Variants in DOK7 observed in about 807,000 individuals in gnomAD.
DOK7 encodes the protein docking protein 7, also known as protein Dok-7.
Under a neutral mutation model 30.7 loss-of-function variants are expected in DOK7, and 32 were observed. That is an observed-to-expected ratio of 1.04 (90% CI 0.79 to 1.40). DOK7 has a LOEUF of 1.40. Ranked by LOEUF, DOK7 falls within the 40% of genes most tolerant of loss-of-function variation. The pLI is 0.00. For missense variants in DOK7, 1,007 were observed against 699.2 expected (o/e 1.44, Z -4.97); for synonymous variants, 447 against 324.1 (o/e 1.38, Z -4.07).
At chr4:3,489,910 ATTCC>A in intron 6 of DOK7, 114 bp downstream of exon 6, 2 of 1,446,658 alleles carry the variant, frequency 1.4e-6, no homozygotes, top group African/African-American at 1.4e-5. Flanking sequence ...TCATTCATTC[ATTCC>A]TTCTGTCTCC....
Position 3,485,594 on chromosome 4 carries a change from C to G in DOK7, c.588C>G (p.Phe196Leu), listed in dbSNP as rs149940009. 8 of 1,607,830 alleles carry G rather than the reference C, an allele frequency of 5.0e-6. No homozygotes were observed. Among genetic ancestry groups the G allele is most frequent in the Non-Finnish European group, 6.8e-6 (8 of 1,176,940 alleles). The change falls in exon 5 of 7, where the codon TTC becomes TTG. Residue 196 changes from phenylalanine (F) to leucine (L), a missense_variant. Transcript: ENST00000340083. ...SAEGEQISFL[F>L]DCIVRGISPT... ...AGGGGGAGCAGATCAGCTTCCTGTT[C>G]GACTGCATCGTCCGAGGCATCTCCC...
At chr4:3,494,500 G>C, downstream of DOK7, 26 of 985,526 alleles carry the variant, frequency 2.6e-5, no homozygotes, top group Non-Finnish European at 3.0e-5. Flanking sequence ...GTCCTAGTCC[G>C]TTGCCCAGCC....
chr4:3,464,504 G>C (rs1010497475), intron 2 of DOK7, among the ~76,000 whole-genome samples: 4 of 152,208 alleles, frequency 2.6e-5, no homozygotes, highest in African/African-American at 9.6e-5. Context: ...AGCCTGGGAG[G>C]GCGTCTTTGT....
At chr4:3,495,151 C>A (rs1204357017), downstream of DOK7, among the ~76,000 whole-genome samples, 1 of 152,228 alleles carries the variant, frequency 6.6e-6, no homozygotes, top group African/African-American at 2.4e-5. Flanking sequence ...GGATGACAGA[C>A]CCCGCCTCAC....
intron 6 of DOK7, among the ~76,000 whole-genome samples, chr4:3,499,564 G>T (rs1560241500): frequency 6.6e-6 from 1 of 152,174 alleles, no homozygotes; most frequent in Non-Finnish European, 1.5e-5. Flanking sequence ...GGCCTGTGGG[G>T]TCCCCTCCTA....
At chr4:3,499,699 G>A (rs1217414994) in intron 6 of DOK7, among the ~76,000 whole-genome samples, 1 of 152,114 alleles carries the variant, frequency 6.6e-6, no homozygotes, top group African/African-American at 2.4e-5. Flanking sequence ...GGGCACCTGG[G>A]TGTCCTGGAG....
intron 2 of DOK7, among the ~76,000 whole-genome samples, chr4:3,466,948 C>G (rs559967913): frequency 2.0e-5 from 3 of 152,180 alleles, no homozygotes; most frequent in African/African-American, 7.2e-5. Context: ...ATCTTGGTCT[C>G]GTGTGTCCTG....
intron 4 of DOK7, among the ~76,000 whole-genome samples, chr4:3,482,954 C>G (rs375752441): frequency 2.0e-5 from 3 of 152,106 alleles, no homozygotes; most frequent in African/African-American, 7.2e-5. Flanking sequence ...CACAGAGGGG[C>G]TGTCGGGGTC....
chr4:3,490,262 ATTCC>A (rs1728182161), intron 6 of DOK7, among the ~76,000 whole-genome samples: 3 of 89,964 alleles, frequency 3.3e-5, no homozygotes, highest in African/African-American at 8.5e-5. Context: ...CTGCTCATTC[ATTCC>A]TTCCTTCCCC....
chr4:3,484,879 AG>A, intron 4 of DOK7: 1 of 985,414 alleles, frequency 1.0e-6, no homozygotes, highest in Non-Finnish European at 1.2e-6. Flanking sequence ...ATCTGAATGC[AG>A]CCCTCCCAAC....
In DOK7 at chr4:3,494,246, C is replaced by T; in HGVS notation, c.*745C>T. 1 of 985,556 alleles carries T rather than the reference C, an allele frequency of 1.0e-6. No individual in the cohort carries two copies. Among genetic ancestry groups the T allele is most frequent in the African/African-American group, 1.7e-5 (1 of 57,388 alleles). The allele number at this position is 985,556 out of a possible 1,614,324, so 61.1% of individuals were successfully genotyped here. A position where few individuals can be genotyped will look rare whatever the true frequency, so the allele number is the denominator to read the frequency against. On this transcript the variant is annotated 3_prime_UTR_variant, in exon 7 of 7. Coordinates refer to ENST00000340083, the MANE Select transcript of DOK7 (RefSeq NM_173660.5). The stretch of plus-strand genomic sequence containing the variant: ...TCCTGTCTGAACCTCCTCGCAGGGC[C>T]AAAGGCTGGCTTGGCCTGTGTTTCC...
intron 4 of DOK7, among the ~76,000 whole-genome samples, chr4:3,478,552 C>A (rs1409584539): frequency 0.17 from 15,514 of 92,852 alleles, 985 homozygotes; most frequent in East Asian, 0.24. Flanking sequence ...ACAGAACCCA[C>A]AAACCTGCAG....
downstream of DOK7, chr4:3,496,843 A>G: frequency 6.5e-7 from 1 of 1,534,652 alleles, no homozygotes. Context: ...CAGCCCCAGG[A>G]CCTGCGACAG....
chr4:3,494,114 C>A lies in DOK7; in HGVS notation c.*613C>A. On this transcript the variant is annotated 3_prime_UTR_variant, in exon 7 of 7. Coordinates refer to ENST00000340083, the MANE Select transcript of DOK7 (RefSeq NM_173660.5). Reference sequence around the variant, plus strand: ...GGCCCCACTGTTCCCCAGTGAAGCCCTTGTGGGAAGGTTCCGGGAGCAGGT... The same window carrying A: ...GGCCCCACTGTTCCCCAGTGAAGCCATTGTGGGAAGGTTCCGGGAGCAGGT... The A allele has an allele frequency of 1.0e-6, 1 of 985,866 alleles. No homozygotes were observed. Among genetic ancestry groups the A allele is most frequent in the Non-Finnish European group, 1.2e-6 (1 of 830,262 alleles). 61.1% of individuals were successfully genotyped at this position (985,866 alleles called of 1,614,324 possible).
intron 2 of DOK7, among the ~76,000 whole-genome samples, chr4:3,468,611 TGC>T (rs538877796): frequency 1.8e-4 from 27 of 151,230 alleles, no homozygotes; most frequent in Non-Finnish European, 2.7e-4. Context: ...GGTGTGTGCG[TGC>T]CTTTGTGTGT....
intron 4 of DOK7, chr4:3,484,673 G>T (rs886363123): frequency 1.0e-6 from 1 of 985,522 alleles, no homozygotes; most frequent in South Asian, 4.7e-5. Context: ...GTCCCTGGGG[G>T]CCCTCCTGCT....
intron 2 of DOK7, among the ~76,000 whole-genome samples, chr4:3,472,006 T>C (rs2109333236): frequency 1.3e-5 from 2 of 152,384 alleles, no homozygotes; most frequent in South Asian, 4.1e-4. Flanking sequence ...TGAGGCTGCT[T>C]TCACGCAGCA....
chr4:3,487,194 C>T (rs1344277588), intron 5 of DOK7, among the ~76,000 whole-genome samples: 1 of 150,098 alleles, frequency 6.7e-6, no homozygotes, highest in Non-Finnish European at 1.5e-5. Flanking sequence ...AGCTGTGCCT[C>T]TGCAGGTGTG....
intron 6 of DOK7, among the ~76,000 whole-genome samples, chr4:3,499,504 G>A (rs1729087037): frequency 6.6e-6 from 1 of 152,190 alleles, no homozygotes; most frequent in East Asian, 1.9e-4. Context: ...AGGGGCCGGT[G>A]TGCGTCCAAC....
Sources: allele counts gnomAD v4.1 joint callset (sites outside exome capture counted in the v4.1 genomes callset), GRCh38; gene constraint gnomAD v4.1.1; transcripts MANE v1.5; gene names NCBI Gene and HGNC (gene_info 2026-07-23, HGNC 2026-07-21).